MAD1L1: variants seen among roughly 807,000 people sequenced by gnomAD.
The protein encoded by MAD1L1 is mitotic arrest deficient 1 like 1.
A neutral mutation model predicts 96.9 loss-of-function variants in MAD1L1; 95 were observed. The ratio of observed to expected loss-of-function variants is 0.98; its 90% confidence interval spans 0.83 to 1.16. MAD1L1 has a LOEUF of 1.16. Ranked by LOEUF, MAD1L1 falls within the 50% of genes most tolerant of loss-of-function variation. MAD1L1 has a pLI of 0.00. For missense variants in MAD1L1, 1,007 were observed against 954.4 expected (o/e 1.06, Z -0.73); for synonymous variants, 473 against 396.6 (o/e 1.19, Z -2.29).
chr7:1,931,837 G>A (rs182958407), intron 17 of MAD1L1, among the ~76,000 whole-genome samples: 204 of 152,334 alleles, frequency 1.3e-3, no homozygotes, highest in Middle Eastern at 3.4e-3. Context: ...TGGTCGTCCT[G>A]CTTCCCACGC....
At chr7:2,210,586 A>C (rs1562375551) in intron 10 of MAD1L1, among the ~76,000 whole-genome samples, 1 of 151,934 alleles carries the variant, frequency 6.6e-6, no homozygotes, top group African/African-American at 2.4e-5. Flanking sequence ...ATTCCCGTGG[A>C]CTGCGGCATG....
At chr7:2,077,970 C>T (rs1357005907) in intron 11 of MAD1L1, among the ~76,000 whole-genome samples, 1 of 152,204 alleles carries the variant, frequency 6.6e-6, no homozygotes, top group East Asian at 1.9e-4. Flanking sequence ...AATACTCTCC[C>T]GGAAGGCCAG....
intron 11 of MAD1L1, among the ~76,000 whole-genome samples, chr7:2,073,575 G>A (rs752162361): frequency 6.6e-5 from 10 of 152,174 alleles, no homozygotes; most frequent in African/African-American, 9.7e-5. Flanking sequence ...CTCTTCCTCC[G>A]CCACTCTCGC....
intron 13 of MAD1L1, among the ~76,000 whole-genome samples, chr7:2,003,002 C>T (rs926054722): frequency 3.2e-3 from 8 of 2,482 alleles, no homozygotes; most frequent in Non-Finnish European, 7.9e-3. Context: ...GTCCTAGAAC[C>T]TGGGAGGAAG....
At chr7:2,021,147 C>A (rs1352027400) in intron 12 of MAD1L1, among the ~76,000 whole-genome samples, 5 of 152,138 alleles carry the variant, frequency 3.3e-5, no homozygotes, top group Admixed American at 2.6e-4. Flanking sequence ...AGGCGAGGAG[C>A]GAACACAGTA....
intron 10 of MAD1L1, among the ~76,000 whole-genome samples, chr7:2,174,296 A>G (rs1790847523): frequency 6.6e-6 from 1 of 152,216 alleles, no homozygotes; most frequent in Non-Finnish European, 1.5e-5. Flanking sequence ...CTAGAAGCAC[A>G]AAGCCATCCT....
chr7:1,946,511 G>A (rs1398776085), intron 16 of MAD1L1, among the ~76,000 whole-genome samples: 2 of 152,250 alleles, frequency 1.3e-5, no homozygotes, highest in Non-Finnish European at 2.9e-5. Context: ...CTGTTGAGAC[G>A]CTGACGAGAA....
At chr7:2,143,829 G>GAGGGGAGGC (rs1789160845) in intron 11 of MAD1L1, among the ~76,000 whole-genome samples, 1 of 152,188 alleles carries the variant, frequency 6.6e-6, no homozygotes, top group African/African-American at 2.4e-5. Flanking sequence ...CCGATGCACA[G>GAGGGGAGGC]AGGGGAGGCA....
At chr7:2,079,545 T>C (rs1436460053) in intron 11 of MAD1L1, among the ~76,000 whole-genome samples, 3 of 152,178 alleles carry the variant, frequency 2.0e-5, no homozygotes, top group Non-Finnish European at 4.4e-5. Flanking sequence ...TCAACTGGAA[T>C]CACCAAATTC....
intron 14 of MAD1L1, among the ~76,000 whole-genome samples, chr7:1,990,372 G>C (rs60995052): frequency 0.32 from 49,378 of 152,138 alleles, 8,907 homozygotes; most frequent in East Asian, 0.57. Context: ...CACCAGGAAG[G>C]CTTCTGGAGT....
intron 11 of MAD1L1, among the ~76,000 whole-genome samples, chr7:2,089,601 C>T (rs934740890): frequency 1.3e-5 from 2 of 150,450 alleles, no homozygotes; most frequent in Non-Finnish European, 1.5e-5. Flanking sequence ...TGGGGCCCAC[C>T]GCACACGCCC....
chr7:1,863,127 C>T (rs1399371455), intron 18 of MAD1L1, among the ~76,000 whole-genome samples: 4 of 152,262 alleles, frequency 2.6e-5, no homozygotes, highest in South Asian at 4.1e-4. Flanking sequence ...CCCCAAGCCC[C>T]GCAAGCCAGG....
intron 15 of MAD1L1, among the ~76,000 whole-genome samples, chr7:1,961,632 A>G (rs4719371): frequency 0.98 from 149,206 of 152,356 alleles, 73,129 homozygotes; most frequent in Middle Eastern, 1. Context: ...AAAATCTTGT[A>G]AATTTGGGAC....
chr7:1,883,492 C>G (rs1299636013), intron 18 of MAD1L1, among the ~76,000 whole-genome samples: 2 of 152,212 alleles, frequency 1.3e-5, no homozygotes, highest in African/African-American at 2.4e-5. Flanking sequence ...GGAATCAGCC[C>G]AGCTCCCCAC....
chr7:1,829,621 C>T (rs1408587312), intron 18 of MAD1L1: 1 of 149,258 alleles, frequency 6.7e-6, no homozygotes, highest in Non-Finnish European at 1.5e-5. Flanking sequence ...GTGGTGGGGA[C>T]AGCAAAGAGT....
intron 1 of MAD1L1, 49 bp downstream of exon 1, chr7:2,232,823 A>C (rs1053196845): frequency 6.7e-6 from 1 of 150,272 alleles, no homozygotes; most frequent in Non-Finnish European, 1.5e-5. Context: ...CATTCCCGGG[A>C]CCCCCGGGAC....
intron 11 of MAD1L1, among the ~76,000 whole-genome samples, chr7:2,077,808 C>G (rs966491674): frequency 6.6e-6 from 1 of 152,234 alleles, no homozygotes; most frequent in Non-Finnish European, 1.5e-5. Context: ...AAGAGGATAT[C>G]GCTGGACAGA....
At chr7:1,929,642 G>C (rs1237004370) in intron 17 of MAD1L1, among the ~76,000 whole-genome samples, 1 of 152,002 alleles carries the variant, frequency 6.6e-6, no homozygotes, top group African/African-American at 2.4e-5. Flanking sequence ...GCCCACACCA[G>C]AGACAGCCCT....
chr7:2,082,484 T>C (rs541396310), intron 11 of MAD1L1, among the ~76,000 whole-genome samples: 2 of 152,242 alleles, frequency 1.3e-5, no homozygotes, highest in South Asian at 2.1e-4. Flanking sequence ...TTCAGCACCA[T>C]GTGGCCAGTG....
Sources: allele counts gnomAD v4.1 joint callset (sites outside exome capture counted in the v4.1 genomes callset), GRCh38; gene constraint gnomAD v4.1.1; transcripts MANE v1.5; gene names NCBI Gene and HGNC (gene_info 2026-07-23, HGNC 2026-07-21).